ATAD2B: variants seen among roughly 807,000 people sequenced by gnomAD.
The protein encoded by ATAD2B is ATPase family AAA domain-containing protein 2B.
In ATAD2B, 40 loss-of-function variants were observed where a neutral mutation model predicts 167.6. That is an observed-to-expected ratio of 0.24 (90% CI 0.19 to 0.31). The LOEUF is 0.31. Among genes scored for constraint, ATAD2B ranks in the 10% least tolerant of loss-of-function variants. The pLI is 1.00. For missense variants in ATAD2B, 1,242 were observed against 1,757.2 expected, an observed-to-expected ratio of 0.71 and a Z score of 5.24; for synonymous variants, 579 against 596.5, an observed-to-expected ratio of 0.97 and a Z score of 0.43.
At chr2:23,724,383 C>T in the ATAD2B span, among the ~76,000 whole-genome samples, 11,625 of 151,936 alleles carry the variant, frequency 0.077, 570 homozygotes, top group South Asian at 0.13. Flanking sequence ...CCAATGAATA[C>T]GTACAATTAT....
chr2:23,697,657 T>TTAAC, the ATAD2B span: 1 of 152,200 alleles, frequency 6.6e-6, no homozygotes, highest in Non-Finnish European at 1.5e-5. Flanking sequence ...TTGTGGGCTT[T>TTAAC]TAACTCCTCC....
At chr2:23,764,273 C>A (rs910899214) in intron 23 of ATAD2B, among the ~76,000 whole-genome samples, 1 of 152,182 alleles carries the variant, frequency 6.6e-6, no homozygotes, top group Non-Finnish European at 1.5e-5. Flanking sequence ...CAAGGCAATT[C>A]GACCAATTCA....
intron 8 of ATAD2B, among the ~76,000 whole-genome samples, chr2:23,871,880 G>T (rs1342963310): frequency 6.6e-6 from 1 of 151,860 alleles, no homozygotes; most frequent in African/African-American, 2.4e-5. Context: ...TTTTGGGTTT[G>T]TTTTTCTTTT....
the ATAD2B span, chr2:23,708,395 G>A: frequency 6.6e-6 from 1 of 152,202 alleles, no homozygotes; most frequent in Non-Finnish European, 1.5e-5. Flanking sequence ...TAGCATTGGT[G>A]TGCGTCTGCC....
the ATAD2B span, chr2:23,703,126 T>G: frequency 7.9e-7 from 1 of 1,263,582 alleles, no homozygotes; most frequent in Non-Finnish European, 1.0e-6. Flanking sequence ...CCCTTGCTTG[T>G]GACCTCTGCC....
chr2:23,857,704 T>C lies in ATAD2B; in HGVS notation c.1480-201A>G, dbSNP rs1479260754. Among the ~76,000 whole-genome samples the C allele has an allele frequency of 2.6e-5, 4 of 152,006 alleles. No individual in the cohort carries two copies. In the East Asian group the frequency reaches 7.7e-4, roughly 29 times the overall value. Reference sequence around the variant, plus strand: ...GCAACTACTGTTTTCAGTTTGTTTATTCTTCCATACATACTTATACACAAA... The same window carrying C: ...GCAACTACTGTTTTCAGTTTGTTTACTCTTCCATACATACTTATACACAAA... On this transcript the variant is annotated intron_variant, in intron 12 of 27. Coordinates refer to ENST00000238789, the MANE Select transcript of ATAD2B (RefSeq NM_017552.4).
chr2:23,827,652 C>A (rs1349266464), intron 15 of ATAD2B: 1 of 152,568 alleles, frequency 6.6e-6, no homozygotes, highest in East Asian at 1.9e-4. Context: ...GGATTTTATA[C>A]CAAATACCAC....
chr2:23,885,602 G>C, intron 5 of ATAD2B, 125 bp downstream of exon 5: 2 of 549,182 alleles, frequency 3.6e-6, no homozygotes, highest in East Asian at 6.6e-5. Context: ...CCCAAACTAA[G>C]TTGGAAATGA....
Position 23,816,917 on chromosome 2 carries a change from C to A in ATAD2B, c.2267+2830G>T, listed in dbSNP as rs531631440. Among the ~76,000 whole-genome samples, 41 of 152,256 alleles carry A rather than the reference C, an allele frequency of 2.7e-4. No homozygotes were observed. The South Asian group carries it at 7.3e-3, about 27-fold the overall frequency. On this transcript the variant is annotated intron_variant, in intron 17 of 27. Transcript: ENST00000238789. The stretch of plus-strand genomic sequence containing the variant: ...AAAAGAAAAGGTTTCAACATTGTTT[C>A]AGGAGACTATTCCCAGAAATTCACC...
At chr2:23,884,071 G>A (rs1698348703) in intron 6 of ATAD2B, among the ~76,000 whole-genome samples, 1 of 152,196 alleles carries the variant, frequency 6.6e-6, no homozygotes, top group African/African-American at 2.4e-5. Flanking sequence ...TTGAACCCAG[G>A]AGGCGGAGGT....
chr2:23,821,468 CTCTG>C (rs372943416), intron 16 of ATAD2B, among the ~76,000 whole-genome samples: 2 of 152,194 alleles, frequency 1.3e-5, no homozygotes, highest in African/African-American at 4.8e-5. Context: ...ATTCATTCCC[CTCTG>C]TCTGCCAAAT....
chr2:23,788,068 GTCAA>G (rs1453026017), intron 20 of ATAD2B: 1 of 155,748 alleles, frequency 6.4e-6, no homozygotes, highest in Non-Finnish European at 1.4e-5. Flanking sequence ...TATTTGAAAA[GTCAA>G]TCAATAAATA....
In ATAD2B at chr2:23,751,958, A is replaced by G; in HGVS notation, c.*88T>C. The G allele has an allele frequency of 3.9e-6, 4 of 1,030,354 alleles. No individual in the cohort carries two copies. The South Asian group carries it at 4.3e-5, about 11-fold the overall frequency. The allele number at this position is 1,030,354 out of a possible 1,614,324, so 63.8% of individuals were successfully genotyped here. On this transcript the variant is annotated 3_prime_UTR_variant, in exon 28 of 28. Coordinates refer to ENST00000238789, the MANE Select transcript of ATAD2B (RefSeq NM_017552.4). Reference sequence around the variant, plus strand: ...AGCACTTTACACCAAGGCTCTGCACATAATTGGTGCAATTTGAAATTGAAT... The same window carrying G: ...AGCACTTTACACCAAGGCTCTGCACGTAATTGGTGCAATTTGAAATTGAAT...
chr2:23,920,879 T>A (rs2150677911), intron 1 of ATAD2B, among the ~76,000 whole-genome samples: 1 of 152,204 alleles, frequency 6.6e-6, no homozygotes, highest in South Asian at 2.1e-4. Context: ...TGTAAAACAT[T>A]CTTATTGAAA....
At chr2:23,776,101 C>A (rs1679085759) in intron 22 of ATAD2B, among the ~76,000 whole-genome samples, 1 of 152,120 alleles carries the variant, frequency 6.6e-6, no homozygotes, top group Non-Finnish European at 1.5e-5. Flanking sequence ...GGCAACAGAG[C>A]AAGACTCCGT....
the ATAD2B span, among the ~76,000 whole-genome samples, chr2:23,706,263 G>A: frequency 3.3e-5 from 5 of 152,334 alleles, no homozygotes; most frequent in East Asian, 7.7e-4. Flanking sequence ...GCCTTCTGCC[G>A]CTCGCAGGGT....
intron 7 of ATAD2B, among the ~76,000 whole-genome samples, chr2:23,877,906 T>C (rs935001762): frequency 3.4e-5 from 5 of 148,604 alleles, no homozygotes; most frequent in African/African-American, 1.2e-4. Flanking sequence ...AAAATTTTTT[T>C]TTAATTAGCC....
intron 1 of ATAD2B, among the ~76,000 whole-genome samples, chr2:23,896,324 C>CAA (rs200614932): frequency 4.8e-5 from 6 of 124,728 alleles, no homozygotes; most frequent in South Asian, 5.1e-4. Context: ...GACTTTGTCT[C>CAA]AAAAAAAAAA....
At chr2:23,691,703 G>A in the ATAD2B span, 7 of 1,551,658 alleles carry the variant, frequency 4.5e-6, no homozygotes, top group Admixed American at 2.0e-5. Flanking sequence ...CAGGGCGGCC[G>A]GGAGAAGCTG....
Sources: allele counts gnomAD v4.1 joint callset (sites outside exome capture counted in the v4.1 genomes callset), GRCh38; gene constraint gnomAD v4.1.1; transcripts MANE v1.5; gene names NCBI Gene and HGNC (gene_info 2026-07-23, HGNC 2026-07-21).